Variants in NSD2 observed in about 807,000 individuals in gnomAD.
NSD2 encodes the protein histone-lysine N-methyltransferase NSD2.
A neutral mutation model predicts 139.0 loss-of-function variants in NSD2; 12 were observed. The observed-to-expected ratio is 0.09, with a 90% CI of 0.06 to 0.14. NSD2 has a LOEUF of 0.14. Among genes scored for constraint, NSD2 ranks in the 10% least tolerant of loss-of-function variants. The pLI, the probability that NSD2 is intolerant of heterozygous loss-of-function variation, is 1.00. For synonymous variants in NSD2, 669 were observed against 648.7 expected, an observed-to-expected ratio of 1.03 and a Z score of -0.48; for missense variants, 1,155 against 1,745.0, an observed-to-expected ratio of 0.66 and a Z score of 6.02.
chr4:1,898,437 G>GTTT (rs1412445945), intron 1 of NSD2, among the ~76,000 whole-genome samples: 1 of 152,140 alleles, frequency 6.6e-6, no homozygotes, highest in Non-Finnish European at 1.5e-5. Flanking sequence ...GGCCAAGGCG[G>GTTT]GCGGATCACG....
At chr4:1,927,702 A>G (rs1344673293) in intron 5 of NSD2, among the ~76,000 whole-genome samples, 1 of 135,314 alleles carries the variant, frequency 7.4e-6, no homozygotes, top group Non-Finnish European at 1.6e-5. Context: ...CTGGGCCACA[A>G]TGAGACTCTT....
At chr4:1,938,410 T>TC (rs1157598136) in intron 7 of NSD2, 41 bp from the exon 8 acceptor site, 1 of 1,182,938 alleles carries the variant, frequency 8.5e-7, no homozygotes, top group African/African-American at 1.7e-5. Context: ...TCTTTTTTTT[T>TC]TCTTTCTTTT....
At chr4:1,913,508 C>T (rs1718960358) in intron 3 of NSD2, among the ~76,000 whole-genome samples, 1 of 152,166 alleles carries the variant, frequency 6.6e-6, no homozygotes, top group Admixed American at 6.5e-5. Context: ...CATCTGGCTC[C>T]GCCTTCTAGA....
At chr4:1,891,113 C>T (rs917507313) in intron 1 of NSD2, among the ~76,000 whole-genome samples, 1 of 152,092 alleles carries the variant, frequency 6.6e-6, no homozygotes, top group African/African-American at 2.4e-5. Context: ...AGGCTGATGT[C>T]GAGTTCTTGG....
chr4:1,907,035 C>T (rs113539879), intron 3 of NSD2, among the ~76,000 whole-genome samples: 11 of 152,200 alleles, frequency 7.2e-5, no homozygotes, highest in East Asian at 5.8e-4. Context: ...CTTATGGCAC[C>T]GTTGTGTTAC....
intron 1 of NSD2, among the ~76,000 whole-genome samples, chr4:1,881,672 C>G (rs1714703558): frequency 6.6e-6 from 1 of 152,210 alleles, no homozygotes; most frequent in African/African-American, 2.4e-5. Context: ...TCTGGGAATA[C>G]AAGTATGAGC....
intron 2 of NSD2, 35 bp downstream of exon 2, chr4:1,901,286 C>T (rs1246252058): frequency 3.3e-6 from 5 of 1,522,208 alleles, no homozygotes; most frequent in Middle Eastern, 1.8e-4. Context: ...GGTCATGTGA[C>T]CTTGAGCAGT....
intron 6 of NSD2, among the ~76,000 whole-genome samples, chr4:1,933,454 A>G (rs983730025): frequency 6.6e-6 from 1 of 152,068 alleles, no homozygotes; most frequent in African/African-American, 2.4e-5. Flanking sequence ...CAGTGGCGCG[A>G]TCTCGGCTCA....
chr4:1,896,805 A>ATTCT (rs759843722), intron 1 of NSD2, among the ~76,000 whole-genome samples: 4 of 95,726 alleles, frequency 4.2e-5, no homozygotes, highest in Non-Finnish European at 8.7e-5. Context: ...TTTCTCTCTC[A>ATTCT]TTCTTTCTTT....
At chr4:1,876,430 C>T (rs1412932340) in intron 1 of NSD2, among the ~76,000 whole-genome samples, 1 of 152,068 alleles carries the variant, frequency 6.6e-6, no homozygotes, top group Admixed American at 6.6e-5. Flanking sequence ...GTTGCTCATG[C>T]CTGTAATTGC....
At position 1,978,699 on chromosome 4, in the gene NSD2, C is replaced by T. The variant is rs199570333; in HGVS notation, c.3888C>T (p.Cys1296=). The T allele has an allele frequency of 8.2e-5, 133 of 1,614,042 alleles. No individual in the cohort carries two copies. The highest frequency in any genetic ancestry group is 2.2e-4 in the Admixed American group (13 of 60,008). ...GTGGCAAACCTTCGACTTCATTTTG[C>T]CACCTCTGCCCCAATTCGTTCTGTA... ...DVCGKPSTSF[C]HLCPNSFCKE... is the part of the protein sequence containing the mutation. The change falls in exon 22 of 22, where the codon TGC becomes TGT. Residue 1296 remains cysteine (C), a synonymous_variant. Transcript: ENST00000508803.
chr4:1,911,445 G>A (rs1166405919), intron 3 of NSD2, among the ~76,000 whole-genome samples: 4 of 151,886 alleles, frequency 2.6e-5, no homozygotes, highest in Non-Finnish European at 5.9e-5. Flanking sequence ...AAAATTAGCT[G>A]GGTGTGGTCC....
At chr4:1,943,472 G>A in intron 9 of NSD2, 1 of 1,045,544 alleles carries the variant, frequency 9.6e-7, no homozygotes, top group Admixed American at 5.5e-5. Context: ...TATAAATTTT[G>A]CTTTGGCATG....
chr4:1,890,097 C>G (rs1377821989), intron 1 of NSD2, among the ~76,000 whole-genome samples: 3 of 152,134 alleles, frequency 2.0e-5, no homozygotes, highest in Non-Finnish European at 4.4e-5. Flanking sequence ...GCCTTTGTAT[C>G]TAGCTTCTTT....
intron 2 of NSD2, among the ~76,000 whole-genome samples, chr4:1,902,662 C>T (rs894810735): frequency 6.6e-6 from 1 of 152,162 alleles, no homozygotes; most frequent in African/African-American, 2.4e-5. Context: ...TGTTCACGAA[C>T]TCCTGACCTC....
chr4:1,962,628 C>A (rs1269319110), intron 18 of NSD2, among the ~76,000 whole-genome samples: 1 of 152,076 alleles, frequency 6.6e-6, no homozygotes, highest in East Asian at 1.9e-4. Flanking sequence ...TTATAGTATT[C>A]TTCCATTTTT....
chr4:1,962,679 T>C (rs555996555), intron 18 of NSD2, among the ~76,000 whole-genome samples: 2 of 152,338 alleles, frequency 1.3e-5, no homozygotes, highest in South Asian at 2.1e-4. Flanking sequence ...GTTTTGTTGT[T>C]ATTTTTCTTT....
In NSD2 at chr4:1,955,445, A is replaced by G. The variant is rs114949689; in HGVS notation, c.2518+105A>G. The stretch of plus-strand genomic sequence containing the variant: ...CTGCGCTGTGTTCATTGATGTTGAC[A>G]GTGTTCTGTGCGTCTTCACGTTAAT... On this transcript the variant is annotated intron_variant, in intron 13 of 21. Coordinates refer to ENST00000508803, the MANE Select transcript of NSD2 (RefSeq NM_001042424.3). The surrounding 1 kb of genome is among the most constrained non-coding windows in gnomAD (Gnocchi z 4.7). 26,587 of 1,413,214 alleles carry G rather than the reference A, an allele frequency of 0.019. 314 individuals carry two copies. Among genetic ancestry groups the G allele is most frequent in the Non-Finnish European group, 0.023 (23,993 of 1,063,402 alleles). 87.5% of individuals were successfully genotyped at this position (1,413,214 alleles called of 1,614,324 possible). A position where few individuals can be genotyped will look rare whatever the true frequency, so the allele number is the denominator to read the frequency against.
chr4:1,904,513 T>A, intron 3 of NSD2, 135 bp downstream of exon 3: 1 of 912,850 alleles, frequency 1.1e-6, no homozygotes, highest in Non-Finnish European at 1.6e-6. Flanking sequence ...AGTTAGTGAT[T>A]GATTCAAGTG....
Sources: gnomAD v4.1 joint callset for allele counts (sites outside exome capture counted in the v4.1 genomes callset) on GRCh38, gnomAD v4.1.1 for gene constraint, Gnocchi (gnomAD v3.1) non-coding constraint, MANE v1.5 for transcripts, NCBI Gene and HGNC (gene_info 2026-07-23, HGNC 2026-07-21) for gene names.